The following ITGAM variants were observed in gnomAD, a reference collection of about 807,000 sequenced individuals.
ITGAM encodes integrin alpha-M.
Under a neutral mutation model 137.5 loss-of-function variants are expected in ITGAM, and 79 were observed. That is an observed-to-expected ratio of 0.57 (90% CI 0.48 to 0.69). The LOEUF is 0.69. Among genes scored for constraint, ITGAM ranks in the 30% least tolerant of loss-of-function variants. The probability of loss-of-function intolerance (pLI) is 0.00; values close to 1 mark genes in which losing one functional copy is unlikely to be tolerated. For synonymous variants in ITGAM, 583 were observed against 592.3 expected (o/e 0.98, Z 0.23); for missense variants, 1,343 against 1,483.5 (o/e 0.91, Z 1.56).
rs754991989 is a variant in ITGAM, at chr16:31,324,788, T to A, written c.2289+6T>A. The stretch of plus-strand genomic sequence containing the variant: ...AGAGACTCTTCACAGCCTTGGTGAG[T>A]CCAGAGTTGGGGTCCTGCAGGGGTG... On this transcript the variant is annotated splice_donor_region_variant and intron_variant, in intron 18 of 29. Transcript: ENST00000544665. This position sits in a 1 kb window ranked among gnomAD's most constrained non-coding sequence, Gnocchi z 4.5. The A allele has an allele frequency of 5.7e-5, 89 of 1,551,914 alleles. No individual in the cohort carries two copies. The highest frequency in any genetic ancestry group is 1.7e-4 in the Middle Eastern group (1 of 5,772).
chr16:31,306,644 T>A (rs1212615181), intron 14 of ITGAM, among the ~76,000 whole-genome samples: 4 of 152,058 alleles, frequency 2.6e-5, no homozygotes, highest in Admixed American at 6.6e-5. Flanking sequence ...CCTGAGTAGC[T>A]GGGATTACAG....
intron 14 of ITGAM, among the ~76,000 whole-genome samples, chr16:31,314,356 G>A (rs1171475038): frequency 6.6e-6 from 1 of 152,082 alleles, no homozygotes; most frequent in Non-Finnish European, 1.5e-5. Flanking sequence ...GGTTTTTATG[G>A]TTGTAAATTT....
intron 14 of ITGAM, among the ~76,000 whole-genome samples, chr16:31,304,194 T>A (rs969017696): frequency 6.6e-6 from 1 of 152,200 alleles, no homozygotes; most frequent in African/African-American, 2.4e-5. Flanking sequence ...TGGTTTTAAT[T>A]TGCATTTCCT....
chr16:31,281,717 C>T (rs980627801), intron 12 of ITGAM, among the ~76,000 whole-genome samples: 7 of 152,152 alleles, frequency 4.6e-5, no homozygotes, highest in Non-Finnish European at 1.0e-4. Flanking sequence ...GTCTCTATTT[C>T]CTTCAGTTCT....
Position 31,325,258 on chromosome 16 carries a change from C to T in ITGAM, c.2364-5C>T, listed in dbSNP as rs1413786127. The T allele has an allele frequency of 1.9e-6, 3 of 1,608,114 alleles. No homozygotes were observed. The South Asian group carries it at 3.3e-5, about 18-fold the overall frequency. ...ATCCCCCGGCCTGTCTTCTTCTTCC[C>T]ACAGCCTGGACTGCCTCGTGGTGGG... On this transcript the variant is annotated splice_region_variant and splice_polypyrimidine_tract_variant and intron_variant, in intron 19 of 29. Coordinates refer to ENST00000544665, the MANE Select transcript of ITGAM (RefSeq NM_000632.4).
At chr16:31,275,724 G>C (rs1240916932) in intron 9 of ITGAM, 25 bp downstream of exon 9, 18 of 1,612,842 alleles carry the variant, frequency 1.1e-5, no homozygotes, top group Non-Finnish European at 1.5e-5. Flanking sequence ...TGTGTTCCCA[G>C]AGCAGCTCCA....
intron 11 of ITGAM, 64 bp from the exon 12 acceptor site, chr16:31,277,903 G>T (rs1236388086): frequency 2.0e-6 from 3 of 1,512,948 alleles, no homozygotes; most frequent in African/African-American, 2.8e-5. Context: ...TACTCAAGGG[G>T]TGGGTCTGCA....
At chr16:31,287,635 T>C (rs1161676493) in intron 12 of ITGAM, among the ~76,000 whole-genome samples, 1 of 152,166 alleles carries the variant, frequency 6.6e-6, no homozygotes, top group East Asian at 1.9e-4. Flanking sequence ...TGTAGTTCTG[T>C]GTGTTTTTAA....
chr16:31,286,237 T>C (rs1324888919), intron 12 of ITGAM, among the ~76,000 whole-genome samples: 1 of 152,146 alleles, frequency 6.6e-6, no homozygotes, highest in East Asian at 1.9e-4. Flanking sequence ...CATTTTCTTT[T>C]CCAATCCACC....
rs1236217923 is a variant in ITGAM at position 31,273,521 on chromosome 16, A to G, written c.858+3A>G. On this transcript the variant is annotated splice_donor_region_variant and intron_variant, in intron 8 of 29. Transcript: ENST00000544665. The stretch of plus-strand genomic sequence containing the variant: ...GAGTCATTCGCTACGTCATTGGGGT[A>G]GGGAATGCAGCTCTCAGGTTGATGC... 6.2e-7 allele frequency: 1 copy of G among 1,613,240 alleles called. No homozygotes were observed. The highest frequency in any genetic ancestry group is 8.5e-7 in the Non-Finnish European group (1 of 1,179,472).
chr16:31,294,002 G>A lies in ITGAM; in HGVS notation c.1357-3512G>A, dbSNP rs147480024. ...TTATTTTATTCTTTTTGTGGCAATCGTGAATAGGATTGCCTTCCTGATTTG... is the reference window on the plus strand; with the variant it reads ...TTATTTTATTCTTTTTGTGGCAATCATGAATAGGATTGCCTTCCTGATTTG... On this transcript the variant is annotated intron_variant, in intron 12 of 29. Coordinates refer to ENST00000544665, the MANE Select transcript of ITGAM (RefSeq NM_000632.4). Among the ~76,000 whole-genome samples the A allele has an allele frequency of 3.4e-3, 514 of 152,198 alleles. 1 individual carries two copies. Among genetic ancestry groups the A allele is most frequent in the African/African-American group, 0.012 (488 of 41,540 alleles).
intron 23 of ITGAM, among the ~76,000 whole-genome samples, chr16:31,328,515 ATG>A (rs749732793): frequency 1.0e-3 from 144 of 144,156 alleles, no homozygotes; most frequent in African/African-American, 2.9e-3. Context: ...AGTGTGATCT[ATG>A]TGTGTGTGCG....
At chr16:31,329,148 C>T (rs770449650) in intron 23 of ITGAM, 80 bp from the exon 24 acceptor site, 1 of 768,232 alleles carries the variant, frequency 1.3e-6, no homozygotes, top group Non-Finnish European at 2.2e-6. Flanking sequence ...CCTGTTCGCT[C>T]CTTACACACT....
rs570329381 is a variant in ITGAM, at chr16:31,273,437, A to G, written c.777A>G (p.Gly259=). The change falls in exon 8 of 30, where the codon GGA becomes GGG. Residue 259 remains glycine, a synonymous_variant. Coordinates refer to ENST00000544665, the MANE Select transcript of ITGAM (RefSeq NM_000632.4). ...AFKILVVITD[G]EKFGDPLGYE... ...AGATCCTAGTTGTCATCACGGATGGAGAAAAGTTTGGCGATCCCTTGGGAT... is the reference window on the plus strand; with the variant it reads ...AGATCCTAGTTGTCATCACGGATGGGGAAAAGTTTGGCGATCCCTTGGGAT... 1 of 1,613,882 alleles carries G rather than the reference A, an allele frequency of 6.2e-7. No homozygotes were observed. The highest frequency in any genetic ancestry group is 8.5e-7 in the Non-Finnish European group (1 of 1,179,838).
At chr16:31,321,731 C>T in intron 16 of ITGAM, 104 bp downstream of exon 16, 1 of 1,219,990 alleles carries the variant, frequency 8.2e-7, no homozygotes. Context: ...ACTGAGTTCT[C>T]ACAGGCTCTG....
intron 22 of ITGAM, 200 bp from the exon 23 acceptor site, chr16:31,327,946 AG>A: frequency 3.5e-6 from 2 of 574,238 alleles, no homozygotes; most frequent in Non-Finnish European, 6.3e-6. Flanking sequence ...GGGACCAGTT[AG>A]AAGAAGGTGG....
intron 5 of ITGAM, among the ~76,000 whole-genome samples, chr16:31,267,944 C>T (rs1340072207): frequency 6.6e-6 from 1 of 152,054 alleles, no homozygotes; most frequent in Non-Finnish European, 1.5e-5. Flanking sequence ...GCGCCTGGCC[C>T]AGCATCTCTT....
At chr16:31,289,533 A>C (rs946766014) in intron 12 of ITGAM, among the ~76,000 whole-genome samples, 1 of 152,114 alleles carries the variant, frequency 6.6e-6, no homozygotes, top group African/African-American at 2.4e-5. Context: ...GCATGTTCTC[A>C]CTCATAGGTG....
At chr16:31,309,850 G>A (rs2080306195) in intron 14 of ITGAM, among the ~76,000 whole-genome samples, 1 of 152,032 alleles carries the variant, frequency 6.6e-6, no homozygotes, top group Non-Finnish European at 1.5e-5. Context: ...CAGGCCTGGT[G>A]GTGACAAAAT....
Sources: gnomAD v4.1 joint callset for allele counts (sites outside exome capture counted in the v4.1 genomes callset) on GRCh38, gnomAD v4.1.1 for gene constraint, Gnocchi (gnomAD v3.1) non-coding constraint, MANE v1.5 for transcripts, NCBI Gene and HGNC (gene_info 2026-07-23, HGNC 2026-07-21) for gene names.